Variants in RARB observed in about 807,000 individuals in gnomAD.
RARB encodes the protein retinoic acid receptor beta.
Under a neutral mutation model 51.9 loss-of-function variants are expected in RARB, and 17 were observed. The ratio of observed to expected loss-of-function variants is 0.33; its 90% CI spans 0.22 to 0.49. The LOEUF (loss-of-function observed/expected upper bound fraction) is 0.49, where lower values mean the gene tolerates loss of function less well. RARB is among the 20% of genes least tolerant of loss of function. RARB has a pLI of 0.99. For missense variants in RARB, 369 were observed against 550.8 expected, an observed-to-expected ratio of 0.67 and a Z score of 3.30; for synonymous variants, 215 against 195.4, an observed-to-expected ratio of 1.10 and a Z score of -0.84.
At chr3:24,994,249 A>G (rs996925325) in intron 2 of RARB, among the ~76,000 whole-genome samples, 2 of 152,066 alleles carry the variant, frequency 1.3e-5, no homozygotes, top group Admixed American at 6.6e-5. Context: ...CATTTCTTTG[A>G]TAATTCATGA....
At chr3:25,001,439 C>T (rs146897111) in intron 2 of RARB, among the ~76,000 whole-genome samples, 273 of 152,184 alleles carry the variant, frequency 1.8e-3, no homozygotes, top group African/African-American at 6.3e-3. Flanking sequence ...AATGTGGATA[C>T]TTTTGCCCTT....
At chr3:25,453,298 G>A (rs1709277625) in intron 1 of RARB, among the ~76,000 whole-genome samples, 1 of 145,446 alleles carries the variant, frequency 6.9e-6, no homozygotes, top group Non-Finnish European at 1.5e-5. Context: ...TGCAGGCTGG[G>A]GTGCAATGGC....
intron 5 of RARB, among the ~76,000 whole-genome samples, chr3:25,382,661 G>A (rs1706663543): frequency 6.6e-6 from 1 of 152,164 alleles, no homozygotes; most frequent in Non-Finnish European, 1.5e-5. Flanking sequence ...TTCAAGACCA[G>A]CCTGGCCAAC....
intron 1 of RARB, among the ~76,000 whole-genome samples, chr3:24,835,095 G>A (rs1453474466): frequency 6.6e-6 from 1 of 152,098 alleles, no homozygotes; most frequent in East Asian, 1.9e-4. Context: ...AAATATATGT[G>A]TGAGTTTTGC....
chr3:24,918,916 A>G (rs1327536172), intron 2 of RARB, among the ~76,000 whole-genome samples: 5 of 152,084 alleles, frequency 3.3e-5, no homozygotes, highest in Admixed American at 6.6e-5. Context: ...TTAAATAAAT[A>G]AAAAACTTAG....
chr3:25,159,499 G>A (rs1244555585), intron 4 of RARB, among the ~76,000 whole-genome samples: 8 of 150,984 alleles, frequency 5.3e-5, no homozygotes, highest in Non-Finnish European at 7.4e-5. Context: ...TTGAGTAATA[G>A]CGTCATCTGA....
rs543255192 is a variant in RARB at position 25,432,102 on chromosome 3, GA to G, written c.157+3216del. ...CGGTGGTAACTAATACCATCAGAAA[GA>G]AGAGAAAAAGAGGGACTTTTCCTTA... On this transcript the variant is annotated intron_variant, in intron 1 of 7. Transcript: ENST00000330688. Among the ~76,000 whole-genome samples the G allele has an allele frequency of 7.9e-5, 12 of 152,268 alleles. 1 individual carries two copies. Among genetic ancestry groups the G allele is most frequent in the African/African-American group, 2.9e-4 (12 of 41,574 alleles).
chr3:25,179,985 C>A (rs1228840140), intron 5 of RARB, among the ~76,000 whole-genome samples: 1 of 152,122 alleles, frequency 6.6e-6, no homozygotes, highest in East Asian at 1.9e-4. Flanking sequence ...GTTTTTTGAT[C>A]TTTACCCCCA....
Position 25,405,363 on chromosome 3 carries a change from A to G in RARB, c.179-55830A>G, listed in dbSNP as rs182786259. 3.3e-5 allele frequency among the ~76,000 whole-genome samples: 5 copies of G among 152,328 alleles called. No homozygotes were observed. The East Asian group carries it at 9.6e-4, about 29-fold the overall frequency. On this transcript the variant is annotated intron_variant, in intron 5 of 11. Transcript: ENST00000383772. ...GTGAGACCCTGTCTCTATTTAACAA[A>G]CAAACAACTACTATATCAATAAAAC... is the stretch of plus-strand genomic sequence containing the variant.
chr3:25,034,424 C>G (rs1400038833), intron 2 of RARB, among the ~76,000 whole-genome samples: 1 of 152,170 alleles, frequency 6.6e-6, no homozygotes, highest in Non-Finnish European at 1.5e-5. Context: ...AATGCAATGT[C>G]TTTCTCATAG....
At chr3:25,141,151 AAATAT>A (rs760832583) in intron 4 of RARB, among the ~76,000 whole-genome samples, 1 of 152,098 alleles carries the variant, frequency 6.6e-6, no homozygotes, top group Non-Finnish European at 1.5e-5. Flanking sequence ...ATCCCTTATA[AAATAT>A]AGTTCTCTAA....
At chr3:25,511,940 G>C (rs1348872052) in intron 3 of RARB, among the ~76,000 whole-genome samples, 1 of 152,220 alleles carries the variant, frequency 6.6e-6, no homozygotes, top group Non-Finnish European at 1.5e-5. Flanking sequence ...GAGGGATGCA[G>C]TATGCTGCTT....
intron 1 of RARB, among the ~76,000 whole-genome samples, chr3:24,839,201 A>G (rs1169001987): frequency 6.6e-6 from 1 of 152,174 alleles, no homozygotes; most frequent in African/African-American, 2.4e-5. Context: ...AAGTGCATGC[A>G]ACTTTAGTGG....
chr3:25,355,279 T>G (rs183404977), intron 5 of RARB, among the ~76,000 whole-genome samples: 133 of 152,160 alleles, frequency 8.7e-4, no homozygotes, highest in African/African-American at 3.1e-3. Flanking sequence ...GTTGTTGTGG[T>G]TAGGTTTGGG....
At chr3:25,028,666 G>A (rs1362426935) in intron 2 of RARB, among the ~76,000 whole-genome samples, 1 of 152,186 alleles carries the variant, frequency 6.6e-6, no homozygotes. Context: ...GTTTGTGGGA[G>A]AGGAAACCTG....
At chr3:25,368,822 C>G (rs1339921555) in intron 5 of RARB, among the ~76,000 whole-genome samples, 1 of 152,198 alleles carries the variant, frequency 6.6e-6, no homozygotes, top group Non-Finnish European at 1.5e-5. Context: ...TGTTTCATAC[C>G]TACAGATTCT....
intron 5 of RARB, among the ~76,000 whole-genome samples, chr3:25,313,138 T>G (rs1171626780): frequency 1.3e-5 from 2 of 152,210 alleles, no homozygotes; most frequent in African/African-American, 4.8e-5. Context: ...GTTTGTTGTT[T>G]TTGTTTTTGT....
chr3:25,009,140 G>A (rs1443459694), intron 2 of RARB, among the ~76,000 whole-genome samples: 1 of 152,068 alleles, frequency 6.6e-6, no homozygotes, highest in Non-Finnish European at 1.5e-5. Context: ...ATTGCTTGGA[G>A]TCCTTGAGCA....
chr3:25,053,372 A>T (rs971919227), intron 2 of RARB, among the ~76,000 whole-genome samples: 4 of 152,142 alleles, frequency 2.6e-5, no homozygotes, highest in African/African-American at 9.7e-5. Context: ...AGGGGTAAGA[A>T]TTGGGTTCCG....
Sources: gnomAD v4.1 joint callset for allele counts (sites outside exome capture counted in the v4.1 genomes callset) on GRCh38, gnomAD v4.1.1 for gene constraint, MANE v1.5 for transcripts, NCBI Gene and HGNC (gene_info 2026-07-23, HGNC 2026-07-21) for gene names.